Variants in ASTN2 observed in about 807,000 individuals in gnomAD.
The protein encoded by ASTN2 is astrotactin-2.
In ASTN2, 54 loss-of-function variants were observed where a neutral mutation model predicts 139.8. That is an observed-to-expected ratio of 0.39 (90% CI 0.31 to 0.48). The LOEUF is 0.48. Among genes scored for constraint, ASTN2 ranks in the 20% least tolerant of loss-of-function variants. ASTN2 has a pLI of 0.95. For synonymous variants in ASTN2, 756 were observed against 719.5 expected (o/e 1.05, Z -0.81); for missense variants, 1,565 against 1,725.1 (o/e 0.91, Z 1.64).
At chr9:117,144,101 G>C (rs1251177663) in intron 3 of ASTN2, among the ~76,000 whole-genome samples, 2 of 152,048 alleles carry the variant, frequency 1.3e-5, no homozygotes, top group African/African-American at 4.8e-5. Context: ...TTATAAACAG[G>C]GTAAGAAAGA....
At chr9:117,292,726 G>A (rs1383813703) in intron 1 of ASTN2, among the ~76,000 whole-genome samples, 2 of 151,882 alleles carry the variant, frequency 1.3e-5, no homozygotes, top group Non-Finnish European at 2.9e-5. Flanking sequence ...ACACACACAC[G>A]AGGAGAGCTG....
At chr9:117,349,194 C>T (rs1829315590) in intron 1 of ASTN2, among the ~76,000 whole-genome samples, 1 of 152,170 alleles carries the variant, frequency 6.6e-6, no homozygotes. Flanking sequence ...CGGGTGAAGG[C>T]TCAGTCCTCT....
chr9:117,174,130 G>C (rs769965958), intron 3 of ASTN2, among the ~76,000 whole-genome samples: 1 of 105,038 alleles, frequency 9.5e-6, no homozygotes, highest in African/African-American at 3.3e-5. Context: ...TAACTAGATA[G>C]ATAGATAGAT....
At chr9:117,269,868 G>A (rs1490229954) in intron 2 of ASTN2, among the ~76,000 whole-genome samples, 1 of 152,154 alleles carries the variant, frequency 6.6e-6, no homozygotes, top group African/African-American at 2.4e-5. Flanking sequence ...CTGTCCCAAT[G>A]GTTTCACTTT....
intron 6 of ASTN2, among the ~76,000 whole-genome samples, chr9:117,028,495 C>A (rs965214914): frequency 2.0e-5 from 3 of 152,152 alleles, no homozygotes; most frequent in Non-Finnish European, 4.4e-5. Context: ...ATGCATTCTT[C>A]CCCTCCCAGA....
Position 117,196,243 on chromosome 9 carries a change from T to C in ASTN2, c.1015+18115A>G, listed in dbSNP as rs532866337. ...AGGGATAACATTAGTACACACCTCA[T>C]AGGGTTATTGTGAGGTATAAATGAC... On this transcript the variant is annotated intron_variant, in intron 3 of 22. Transcript: ENST00000313400. Among the ~76,000 whole-genome samples, 11 of 152,240 alleles carry C rather than the reference T, an allele frequency of 7.2e-5. No individual in the cohort carries two copies. In the South Asian group the frequency reaches 2.3e-3, roughly 32 times the overall value.
chr9:117,389,672 C>T (rs1830493579), intron 1 of ASTN2, among the ~76,000 whole-genome samples: 1 of 152,130 alleles, frequency 6.6e-6, no homozygotes. Context: ...TGCTCCTTCA[C>T]TCATTCATTC....
intron 1 of ASTN2, among the ~76,000 whole-genome samples, chr9:117,310,656 G>A (rs1171607494): frequency 2.6e-5 from 4 of 152,056 alleles, no homozygotes; most frequent in African/African-American, 4.8e-5. Flanking sequence ...TTGAGATAGC[G>A]TCTCCTGCTC....
At chr9:116,602,679 A>C (rs1469841952) in intron 19 of ASTN2, among the ~76,000 whole-genome samples, 1 of 152,224 alleles carries the variant, frequency 6.6e-6, no homozygotes, top group Non-Finnish European at 1.5e-5. Flanking sequence ...TTGTAATCCC[A>C]GCACTTTGGG....
chr9:117,257,815 G>C (rs1478904474), intron 2 of ASTN2, among the ~76,000 whole-genome samples: 4 of 152,168 alleles, frequency 2.6e-5, no homozygotes, highest in Non-Finnish European at 5.9e-5. Context: ...AAGAGCAAAG[G>C]AAATCGGAGA....
At chr9:116,474,400 A>G (rs2119024948) in intron 20 of ASTN2, among the ~76,000 whole-genome samples, 1 of 151,960 alleles carries the variant, frequency 6.6e-6, no homozygotes, top group African/African-American at 2.4e-5. Context: ...ATGAAAGTGG[A>G]ATAGGGTTGT....
chr9:116,535,571 C>T (rs1464259920), intron 19 of ASTN2, among the ~76,000 whole-genome samples: 1 of 152,120 alleles, frequency 6.6e-6, no homozygotes, highest in Non-Finnish European at 1.5e-5. Context: ...AATCCCTTAG[C>T]ATTTGCTTGT....
intron 11 of ASTN2, among the ~76,000 whole-genome samples, chr9:116,843,659 C>CAAAA (rs34552965): frequency 1.1e-4 from 13 of 115,622 alleles, no homozygotes; most frequent in African/African-American, 3.1e-4. Flanking sequence ...AACTCTGTCT[C>CAAAA]AAAAAAAAAA....
chr9:117,016,813 T>TTTTATATATATATATA (rs1554769653), intron 6 of ASTN2, among the ~76,000 whole-genome samples: 1 of 92,570 alleles, frequency 1.1e-5, no homozygotes, highest in African/African-American at 3.2e-5. Context: ...TATATATGTT[T>TTTTATATATATATATA]TATATATATA....
At chr9:116,846,422 T>C (rs1317293348) in intron 11 of ASTN2, among the ~76,000 whole-genome samples, 1 of 152,186 alleles carries the variant, frequency 6.6e-6, no homozygotes, top group Non-Finnish European at 1.5e-5. Flanking sequence ...AAAGGCATAA[T>C]GGTTCCTAAC....
chr9:117,184,945 C>T (rs949473475), intron 3 of ASTN2, among the ~76,000 whole-genome samples: 1 of 152,132 alleles, frequency 6.6e-6, no homozygotes, highest in African/African-American at 2.4e-5. Context: ...TGAAAATAAC[C>T]TGAGAAGAGT....
chr9:117,215,494 A>G (rs1832287937), intron 2 of ASTN2, among the ~76,000 whole-genome samples: 1 of 149,656 alleles, frequency 6.7e-6, no homozygotes. Flanking sequence ...ATGTGTATAT[A>G]TATACATTTT....
chr9:117,058,379 C>T (rs1208575952), intron 5 of ASTN2, among the ~76,000 whole-genome samples: 1 of 152,160 alleles, frequency 6.6e-6, no homozygotes, highest in East Asian at 1.9e-4. Context: ...ATAATGACAG[C>T]TACCATATTT....
chr9:117,135,235 T>G (rs1474476395), intron 4 of ASTN2, among the ~76,000 whole-genome samples: 2 of 152,272 alleles, frequency 1.3e-5, no homozygotes, highest in Non-Finnish European at 2.9e-5. Flanking sequence ...CACTATGTAC[T>G]AGTTGAGTAA....
Sources: allele counts gnomAD v4.1 joint callset (sites outside exome capture counted in the v4.1 genomes callset), GRCh38; gene constraint gnomAD v4.1.1; transcripts MANE v1.5; gene names NCBI Gene and HGNC (gene_info 2026-07-23, HGNC 2026-07-21).